ZZEF1: variants seen among roughly 807,000 people sequenced by gnomAD.
ZZEF1 encodes the protein zinc finger ZZ-type and EF-hand domain-containing protein 1.
Under a neutral mutation model 342.8 loss-of-function variants are expected in ZZEF1, and 157 were observed. The observed-to-expected ratio is 0.46, with a 90% CI of 0.40 to 0.52. ZZEF1 has a LOEUF of 0.52. Ranked by LOEUF, ZZEF1 falls within the 20% of genes least tolerant of loss-of-function variation. The pLI is 0.00. For synonymous variants in ZZEF1, 1,505 were observed against 1,429.1 expected, an observed-to-expected ratio of 1.05 and a Z score of -1.20; for missense variants, 3,480 against 3,725.6, an observed-to-expected ratio of 0.93 and a Z score of 1.72.
At chr17:4,106,777 G>A (rs187897354) in intron 6 of ZZEF1, among the ~76,000 whole-genome samples, 3 of 152,300 alleles carry the variant, frequency 2.0e-5, no homozygotes, top group Admixed American at 1.3e-4. Context: ...ACTGTGCTAG[G>A]TGACTGAATG....
rs1597741249 is a variant in ZZEF1 at position 4,007,045 on chromosome 17, G to A, written c.8806-75C>T. On this transcript the variant is annotated intron_variant, in intron 54 of 54. Transcript: ENST00000381638. Reference sequence around the variant, plus strand: ...TCAGTGAGTGCTGATAAGACCCTCAGCTGAGCACTGAGGATGTGGGGACGG... The same window carrying A: ...TCAGTGAGTGCTGATAAGACCCTCAACTGAGCACTGAGGATGTGGGGACGG... 7.5e-6 allele frequency: 10 copies of A among 1,339,650 alleles called. No individual in the cohort carries two copies. The East Asian group carries it at 2.3e-4, about 30-fold the overall frequency. The allele number at this position is 1,339,650 out of a possible 1,614,324, so 83.0% of individuals were successfully genotyped here.
intron 52 of ZZEF1, among the ~76,000 whole-genome samples, chr17:4,010,736 G>GAAAAAGA (rs1567756860): frequency 5.9e-5 from 2 of 33,816 alleles, no homozygotes; most frequent in African/African-American, 1.9e-4. Flanking sequence ...AAAAAAAAAA[G>GAAAAAGA]AAAAAGAAAA....
Position 4,005,122 on chromosome 17 carries a change from G to C in ZZEF1, c.*1768C>G, listed in dbSNP as rs1456075338. On this transcript the variant is annotated 3_prime_UTR_variant, in exon 55 of 55. Transcript: ENST00000381638. ...TTGGCTGTGAGTCTGAGCACGCAGC[G>C]GGGCCTCCCTCCCAAGCACTAAGAC... 1 of 152,290 alleles carries C rather than the reference G, an allele frequency of 6.6e-6. No homozygotes were observed. Among genetic ancestry groups the C allele is most frequent in the East Asian group, 1.9e-4 (1 of 5,204 alleles). The allele number at this position is 152,290 out of a possible 1,614,324, so 9.4% of individuals were successfully genotyped here.
At chr17:4,076,252 C>G (rs1415198403) in intron 21 of ZZEF1, 1 of 151,756 alleles carries the variant, frequency 6.6e-6, no homozygotes, top group East Asian at 1.9e-4. Flanking sequence ...CTGCCTCAGC[C>G]TCCCGAGTAG....
At position 4,036,049 on chromosome 17, in the gene ZZEF1, G is replaced by A. The variant is rs190811183; in HGVS notation, c.6307-1757C>T. On this transcript the variant is annotated intron_variant, in intron 39 of 54. Coordinates refer to ENST00000381638, the MANE Select transcript of ZZEF1 (RefSeq NM_015113.4). Reference sequence around the variant, plus strand: ...GGGGAGGCAGAGGTTGCAGTGAGCCGAGATTGCACCACTGCACTACAGCCT... The same window carrying A: ...GGGGAGGCAGAGGTTGCAGTGAGCCAAGATTGCACCACTGCACTACAGCCT... Among the ~76,000 whole-genome samples, 203 of 140,718 alleles carry A rather than the reference G, an allele frequency of 1.4e-3. 1 individual carries two copies. Among genetic ancestry groups the A allele is most frequent in the African/African-American group, 5.2e-3 (189 of 36,672 alleles). 92.3% of individuals were successfully genotyped at this position (140,718 alleles called of 152,430 possible). A position where few individuals can be genotyped will look rare whatever the true frequency, so the allele number is the denominator to read the frequency against.
Position 4,127,365 on chromosome 17 carries a change from G to A in ZZEF1, c.355-3314C>T, listed in dbSNP as rs187391103. Among the ~76,000 whole-genome samples, 9 of 152,272 alleles carry A rather than the reference G, an allele frequency of 5.9e-5. No homozygotes were observed. The East Asian group carries it at 1.7e-3, about 29-fold the overall frequency. ...CTTTGAGGAGAAAAGGGCGACAGCA[G>A]TGTTGCATGTGTTTTTTAAAGTGTT... On this transcript the variant is annotated intron_variant, in intron 1 of 54. Transcript: ENST00000381638.
chr17:4,039,838 G>A (rs1466972056), intron 39 of ZZEF1, among the ~76,000 whole-genome samples: 1 of 151,832 alleles, frequency 6.6e-6, no homozygotes, highest in African/African-American at 2.4e-5. Context: ...TTGAGATGGG[G>A]TTTCACTGTG....
Position 4,032,819 on chromosome 17 carries a change from G to T in ZZEF1, c.6759+9C>A, listed in dbSNP as rs1321741948. On this transcript the variant is annotated intron_variant, in intron 41 of 54. Transcript: ENST00000381638. ...GTGACCAGGCCCTCAGGCCTTCAGA[G>T]TGTGGTACCTGGGGGAAGCCAACCA... The T allele has an allele frequency of 6.2e-7, 1 of 1,613,698 alleles. No homozygotes were observed. Among genetic ancestry groups the T allele is most frequent in the South Asian group, 1.1e-5 (1 of 91,058 alleles).
chr17:4,087,949 C>A (rs1196347938), intron 13 of ZZEF1, among the ~76,000 whole-genome samples: 1 of 152,136 alleles, frequency 6.6e-6, no homozygotes, highest in African/African-American at 2.4e-5. Flanking sequence ...AGGTATCAAT[C>A]CTTCCGTAAG....
intron 39 of ZZEF1, among the ~76,000 whole-genome samples, chr17:4,039,641 C>CTTTTT (rs1166970366): frequency 3.3e-5 from 4 of 119,598 alleles, no homozygotes; most frequent in African/African-American, 6.8e-5. Flanking sequence ...AGAAAGAGAA[C>CTTTTT]TTTTTTTTTT....
chr17:4,055,855 A>G (rs1192148924), intron 33 of ZZEF1, among the ~76,000 whole-genome samples: 1 of 152,216 alleles, frequency 6.6e-6, no homozygotes, highest in East Asian at 1.9e-4. Context: ...ATTTCTGCAC[A>G]GGACTGGGTG....
At chr17:4,059,644 C>T (rs1372996437) in intron 30 of ZZEF1, among the ~76,000 whole-genome samples, 4 of 152,158 alleles carry the variant, frequency 2.6e-5, no homozygotes, top group Non-Finnish European at 2.9e-5. Flanking sequence ...ACCCCTCTGC[C>T]TCCCTTCATT....
chr17:4,137,421 T>C (rs112401207), intron 1 of ZZEF1, among the ~76,000 whole-genome samples: 4,722 of 152,196 alleles, frequency 0.031, 117 homozygotes, highest in South Asian at 0.11. Context: ...CCATCCTGGC[T>C]AACACGGTGA....
chr17:4,082,637 A>G (rs2057745682), intron 16 of ZZEF1, 133 bp from the exon 17 acceptor site: 1 of 781,242 alleles, frequency 1.3e-6, no homozygotes, highest in African/African-American at 1.7e-5. Context: ...ACTACCTCAC[A>G]GCACCCCACT....
In ZZEF1 at chr17:4,054,108, A is replaced by G; in HGVS notation, c.5383T>C (p.Tyr1795His). 1.2e-6 allele frequency: 2 copies of G among 1,613,998 alleles called. No individual in the cohort carries two copies. Among genetic ancestry groups the G allele is most frequent in the Non-Finnish European group, 1.7e-6 (2 of 1,179,924 alleles). ...GCDEIAPWHRYRCLQCSDMDL... is the reference protein window; with the variant it reads ...GCDEIAPWHRHRCLQCSDMDL... ...ATGTCGCTGCACTGCAGACAGCGGT[A>G]TCGATGCCAGGGGGCAATCTCATCA... is the stretch of plus-strand genomic sequence containing the variant. The change falls in exon 34 of 55, where the codon TAC (tyrosine) becomes CAC (histidine). Residue 1795 changes from tyrosine (Y) to histidine (H), a missense_variant. Tyr to His is a moderately conservative substitution (Grantham distance 83, BLOSUM62 2). Coordinates refer to ENST00000381638, the MANE Select transcript of ZZEF1 (RefSeq NM_015113.4).
Position 4,042,437 on chromosome 17 carries a change from A to C in ZZEF1, c.6298T>G (p.Leu2100Val), listed in dbSNP as rs200702571. The change falls in exon 39 of 55, where the codon TTA becomes GTA. Residue 2100 changes from leucine (L) to valine (V), a missense_variant. Leu to Val is a conservative substitution (Grantham distance 32, BLOSUM62 1). Around this residue, in one of 5 missense-constraint regions of ZZEF1, gnomAD observed 1,269 missense variants for 1,342.4 expected, o/e 0.95. Transcript: ENST00000381638. ...LGLLAAMLPP[L>V]KSGPTVPLID... is the part of the protein sequence containing the mutation. Reference sequence around the variant, plus strand: ...AAATAAATTGCCCTTACCGACTTTAAGGGAGGTAACATGGCTGCTAGTAAT... The same window carrying C: ...AAATAAATTGCCCTTACCGACTTTACGGGAGGTAACATGGCTGCTAGTAAT... The C allele has an allele frequency of 3.7e-6, 6 of 1,611,920 alleles. No homozygotes were observed. In the East Asian group the frequency reaches 1.3e-4, roughly 36 times the overall value.
At chr17:4,043,732 G>T (rs1455488767) in intron 38 of ZZEF1, among the ~76,000 whole-genome samples, 2 of 152,046 alleles carry the variant, frequency 1.3e-5, no homozygotes, top group African/African-American at 4.8e-5. Context: ...TTTCTTCTCC[G>T]AACGCCCATC....
intron 37 of ZZEF1, among the ~76,000 whole-genome samples, chr17:4,044,969 C>G (rs1352620027): frequency 6.6e-6 from 1 of 152,106 alleles, no homozygotes; most frequent in African/African-American, 2.4e-5. Flanking sequence ...GCATGGCCAA[C>G]ATGGCGAAAC....
At chr17:4,134,232 C>T (rs1044618550) in intron 1 of ZZEF1, among the ~76,000 whole-genome samples, 9 of 151,072 alleles carry the variant, frequency 6.0e-5, no homozygotes, top group Non-Finnish European at 1.3e-4. Context: ...GGTGGGAGGA[C>T]CGCTTGAACC....
Sources: allele counts gnomAD v4.1 joint callset (sites outside exome capture counted in the v4.1 genomes callset), GRCh38; gene constraint gnomAD v4.1.1; regional missense constraint gnomAD v4.1.1; transcripts MANE v1.5; gene names NCBI Gene and HGNC (gene_info 2026-07-23, HGNC 2026-07-21).